DCAF7: variants seen among roughly 807,000 people sequenced by gnomAD.
DCAF7 encodes the protein DDB1- and CUL4-associated factor 7.
Under a neutral mutation model 41.2 loss-of-function variants are expected in DCAF7, and 4 were observed. That is an observed-to-expected ratio of 0.10 (90% confidence interval 0.05 to 0.22). The LOEUF (loss-of-function observed/expected upper bound fraction) is 0.22. Among genes scored for constraint, DCAF7 ranks in the 10% least tolerant of loss-of-function variants. The pLI is 1.00. For synonymous variants in DCAF7, 143 were observed against 164.2 expected, an observed-to-expected ratio of 0.87 and a Z score of 0.99; for missense variants, 131 against 443.2, an observed-to-expected ratio of 0.30 and a Z score of 6.32.
intron 1 of DCAF7, among the ~76,000 whole-genome samples, chr17:63,565,445 C>T (rs2033430213): frequency 6.6e-6 from 1 of 151,764 alleles, no homozygotes; most frequent in Non-Finnish European, 1.5e-5. Context: ...CGTGGTGGTG[C>T]ATGCCTATAA....
intron 1 of DCAF7, among the ~76,000 whole-genome samples, chr17:63,577,431 T>G (rs922576735): frequency 2.6e-5 from 4 of 152,198 alleles, no homozygotes; most frequent in Non-Finnish European, 5.9e-5. Flanking sequence ...ATCTTCCAGT[T>G]GGAAGTTCAT....
At chr17:63,568,123 C>T (rs1405820891) in intron 1 of DCAF7, among the ~76,000 whole-genome samples, 2 of 151,998 alleles carry the variant, frequency 1.3e-5, no homozygotes, top group East Asian at 1.9e-4. Flanking sequence ...TGGGTTCAAG[C>T]GATTCTCCTG....
chr17:63,566,432 A>T (rs987774361), intron 1 of DCAF7, among the ~76,000 whole-genome samples: 2 of 152,190 alleles, frequency 1.3e-5, no homozygotes, highest in African/African-American at 4.8e-5. Flanking sequence ...TTGCACACAC[A>T]TACAAAAATA....
intron 1 of DCAF7, among the ~76,000 whole-genome samples, chr17:63,573,918 G>T (rs1336195534): frequency 6.6e-6 from 1 of 152,002 alleles, no homozygotes; most frequent in Non-Finnish European, 1.5e-5. Flanking sequence ...GATCCAGTCT[G>T]TCCCGCCCAG....
chr17:63,566,381 AAAC>A lies in DCAF7; in HGVS notation c.139-12084_139-12082del, dbSNP rs1333799731. ...GCGAGACTCTGTCTCAAAAAAAAAA[AAAC>A]AACAGTTACACTTATAGAATCTGTC... On this transcript the variant is annotated intron_variant, in intron 1 of 6. Coordinates refer to ENST00000614556, the MANE Select transcript of DCAF7 (RefSeq NM_005828.5). 6.6e-5 allele frequency among the ~76,000 whole-genome samples: 10 copies of A among 151,606 alleles called. No individual in the cohort carries two copies. The South Asian group carries it at 1.3e-3, about 19-fold the overall frequency.
intron 5 of DCAF7, among the ~76,000 whole-genome samples, chr17:63,584,862 C>T (rs1052015172): frequency 2.6e-5 from 4 of 152,128 alleles, no homozygotes; most frequent in Non-Finnish European, 5.9e-5. Flanking sequence ...GGTTTGGTGG[C>T]GCTAGCACCT....
chr17:63,588,852 T>C, intron 6 of DCAF7, 148 bp from the exon 7 acceptor site: 1 of 890,096 alleles, frequency 1.1e-6, no homozygotes, highest in South Asian at 1.8e-5. Flanking sequence ...TTTCTGAATC[T>C]CGATTTCCTC....
chr17:63,587,322 C>T (rs1205234571), intron 6 of DCAF7, among the ~76,000 whole-genome samples: 2 of 151,644 alleles, frequency 1.3e-5, no homozygotes, highest in East Asian at 3.9e-4. Flanking sequence ...TTCATTATTG[C>T]CCTCTTTTTT....
In DCAF7 at chr17:63,585,328, G is replaced by A; in HGVS notation, c.856G>A (p.Ala286Thr). ...PHSSCHICTA[A>T]DDHQALIWDI... ...TTCATCCTGCCACATCTGCACTGCA[G>A]GTAATCATGGTGGGGAGAAAGAAAT... is the stretch of plus-strand genomic sequence containing the variant. The change falls in exon 6 of 7, where the codon GCG becomes ACG. Residue 286 changes from alanine (A) to threonine (T), a missense_variant and splice_region_variant. Coordinates refer to ENST00000614556, the MANE Select transcript of DCAF7 (RefSeq NM_005828.5). 6.2e-7 allele frequency: 1 copy of A among 1,611,908 alleles called. No homozygotes were observed.
At chr17:63,588,739 G>A (rs2033704107) in intron 6 of DCAF7, among the ~76,000 whole-genome samples, 1 of 152,264 alleles carries the variant, frequency 6.6e-6, no homozygotes, top group East Asian at 1.9e-4. Context: ...AGTGGATAGA[G>A]CCTGGGGACA....
At chr17:63,552,297 A>G (rs2033265933) in intron 1 of DCAF7, 1 of 152,194 alleles carries the variant, frequency 6.6e-6, no homozygotes, top group African/African-American at 2.4e-5. Flanking sequence ...GTTTTTCAGG[A>G]GCACATTTGT....
intron 3 of DCAF7, 137 bp from the exon 4 acceptor site, chr17:63,579,688 G>C (rs1327831130): frequency 1.3e-6 from 1 of 762,034 alleles, no homozygotes; most frequent in African/African-American, 1.8e-5. Flanking sequence ...CGGTGGCTCT[G>C]CCGGTAGCCC....
intron 1 of DCAF7, among the ~76,000 whole-genome samples, chr17:63,562,116 GAGAT>G (rs1434128874): frequency 1.3e-5 from 2 of 151,944 alleles, no homozygotes; most frequent in Non-Finnish European, 2.9e-5. Flanking sequence ...TATAGCCAGA[GAGAT>G]AGGTGGAACT....
intron 6 of DCAF7, among the ~76,000 whole-genome samples, 189 bp downstream of exon 6, chr17:63,585,517 T>G (rs886574533): frequency 6.6e-6 from 1 of 152,236 alleles, no homozygotes; most frequent in Non-Finnish European, 1.5e-5. Flanking sequence ...TGTACCCTCA[T>G]GGACATCAGA....
At chr17:63,586,086 C>G (rs1453601094) in intron 6 of DCAF7, among the ~76,000 whole-genome samples, 2 of 145,402 alleles carry the variant, frequency 1.4e-5, no homozygotes, top group Non-Finnish European at 3.0e-5. Flanking sequence ...GATTATGCCA[C>G]TGCCCTCCAG....
At chr17:63,582,889 T>C (rs2033639119) in intron 4 of DCAF7, among the ~76,000 whole-genome samples, 1 of 152,206 alleles carries the variant, frequency 6.6e-6, no homozygotes, top group African/African-American at 2.4e-5. Context: ...ATTGATTCAC[T>C]TATGATCTCA....
intron 1 of DCAF7, among the ~76,000 whole-genome samples, chr17:63,559,423 A>ATG (rs1568097880): frequency 4.8e-5 from 5 of 104,332 alleles, no homozygotes; most frequent in African/African-American, 1.5e-4. Flanking sequence ...ATATATACGT[A>ATG]TATATATATG....
At position 63,589,358 on chromosome 17, in the gene DCAF7, T is replaced by A; in HGVS notation, c.*186T>A. 1 of 788,652 alleles carries A rather than the reference T, an allele frequency of 1.3e-6. No individual in the cohort carries two copies. The highest frequency in any genetic ancestry group is 2.1e-6 in the Non-Finnish European group (1 of 467,396). 48.9% of individuals were successfully genotyped at this position (788,652 alleles called of 1,614,324 possible). A position where few individuals can be genotyped will look rare whatever the true frequency, so the allele number is the denominator to read the frequency against. ...CCATCGCCCTCTGTGGCAGACTCAGTGCTGTGTGGCGCCTCCTCAGCCCAG... is the reference window on the plus strand; with the variant it reads ...CCATCGCCCTCTGTGGCAGACTCAGAGCTGTGTGGCGCCTCCTCAGCCCAG... On this transcript the variant is annotated 3_prime_UTR_variant, in exon 7 of 7. Transcript: ENST00000614556.
chr17:63,579,433 G>T lies in DCAF7; in HGVS notation c.394G>T (p.Asp132Tyr). 6.2e-7 allele frequency: 1 copy of T among 1,606,708 alleles called. No individual in the cohort carries two copies. The highest frequency in any genetic ancestry group is 8.5e-7 in the Non-Finnish European group (1 of 1,176,028). The change falls in exon 3 of 7, where the codon GAT (aspartate) becomes TAT (tyrosine). Residue 132 changes from aspartate to tyrosine, a missense_variant. Physicochemically the swap from Asp to Tyr is radical, Grantham distance 160. Transcript: ENST00000614556. ...PLTSFDWNEV[D>Y]PYLLGTSSID... ...GACCTCCTTTGACTGGAATGAGGTG[G>T]ATCCTTATCTTTTAGGTAAGGGAGT...
Sources: gnomAD v4.1 joint callset for allele counts (sites outside exome capture counted in the v4.1 genomes callset) on GRCh38, gnomAD v4.1.1 for gene constraint, MANE v1.5 for transcripts, NCBI Gene and HGNC (gene_info 2026-07-23, HGNC 2026-07-21) for gene names.